ZNF462: variants seen among roughly 807,000 people sequenced by gnomAD.
ZNF462 encodes the protein zinc finger PBX1-interacting protein.
ZNF462 carries 10 observed loss-of-function variants against 201.9 expected under a neutral mutation model. The ratio of observed to expected loss-of-function variants is 0.05; its 90% CI spans 0.03 to 0.08. The LOEUF (loss-of-function observed/expected upper bound fraction) is 0.08, where lower values mean the gene tolerates loss of function less well. ZNF462 is among the 10% of genes least tolerant of loss of function. The pLI is 1.00. For missense variants in ZNF462, 2,523 were observed against 3,168.3 expected (o/e 0.80, Z 4.89); for synonymous variants, 1,227 against 1,193.3 (o/e 1.03, Z -0.58).
At position 106,913,321 on chromosome 9, in the gene ZNF462, C is replaced by T. The variant is rs1423802368; in HGVS notation, c.-30-10033C>T. On this transcript the variant is annotated intron_variant, in intron 1 of 12. Coordinates refer to ENST00000277225, the MANE Select transcript of ZNF462 (RefSeq NM_021224.6). This position sits in a 1 kb window ranked among gnomAD's most constrained non-coding sequence, Gnocchi z 4.1. ...GATGCTCTCTGGAATTCCTTAGGTT[C>T]TTGAACGTTTAGTTCGATTTTGTAC... Among the ~76,000 whole-genome samples, 3 of 152,124 alleles carry T rather than the reference C, an allele frequency of 2.0e-5. No individual in the cohort carries two copies. The highest frequency in any genetic ancestry group is 4.4e-5 in the Non-Finnish European group (3 of 68,022).
At chr9:106,871,954 C>T (rs1587975828) in intron 1 of ZNF462, among the ~76,000 whole-genome samples, 1 of 152,200 alleles carries the variant, frequency 6.6e-6, no homozygotes, top group African/African-American at 2.4e-5. Context: ...TGACTACTAC[C>T]TGGCGTCAGT....
chr9:107,010,929 G>C lies in ZNF462; in HGVS notation c.7420G>C (p.Ala2474Pro). 3 of 1,613,776 alleles carry C rather than the reference G, an allele frequency of 1.9e-6. No individual in the cohort carries two copies. The highest frequency in any genetic ancestry group is 2.5e-6 in the Non-Finnish European group (3 of 1,179,904). The change falls in exon 13 of 13, where the codon GCC (alanine) becomes CCC (proline). Residue 2474 changes from alanine (A) to proline (P), a missense_variant. Ala to Pro is a conservative substitution (Grantham distance 27). Transcript: ENST00000277225. This position sits in a 1 kb window ranked among gnomAD's most constrained non-coding sequence, Gnocchi z 4.6. ...PSIEEKEDDE[A>P]IGIDFSLKNE... Reference sequence around the variant, plus strand: ...CATAGAGGAAAAGGAAGATGACGAGGCCATTGGGATAGACTTTTCCCTAAA... The same window carrying C: ...CATAGAGGAAAAGGAAGATGACGAGCCCATTGGGATAGACTTTTCCCTAAA...
rs553713487 is a variant in ZNF462, at chr9:106,920,649, C to A, written c.-30-2705C>A. 5.8e-4 allele frequency among the ~76,000 whole-genome samples: 89 copies of A among 152,230 alleles called. No individual in the cohort carries two copies. Among genetic ancestry groups the A allele is most frequent in the Middle Eastern group, 3.4e-3 (1 of 294 alleles). Reference sequence around the variant, plus strand: ...GTGACTCTTTTTCTGATCTCATAACCCTTTAATCTCCTTTGTAGCAGAACA... The same window carrying A: ...GTGACTCTTTTTCTGATCTCATAACACTTTAATCTCCTTTGTAGCAGAACA... On this transcript the variant is annotated intron_variant, in intron 1 of 12. Transcript: ENST00000277225. This position sits in a 1 kb window ranked among gnomAD's most constrained non-coding sequence, Gnocchi z 4.3.
Position 106,923,777 on chromosome 9 carries a change from C to G in ZNF462, c.220+174C>G, listed in dbSNP as rs1395696451. Among the ~76,000 whole-genome samples, 1 of 152,128 alleles carries G rather than the reference C, an allele frequency of 6.6e-6. No homozygotes were observed. ...CTCCTTGAGTACCTTAGGTTTTATCCTTTCGAAAGCTTCCTCATATATCCT... is the reference window on the plus strand; with the variant it reads ...CTCCTTGAGTACCTTAGGTTTTATCGTTTCGAAAGCTTCCTCATATATCCT... On this transcript the variant is annotated intron_variant, in intron 2 of 12. Coordinates refer to ENST00000277225, the MANE Select transcript of ZNF462 (RefSeq NM_021224.6). The surrounding 1 kb of genome is among the most constrained non-coding windows in gnomAD (Gnocchi z 5.6).
At position 106,885,380 on chromosome 9, in the gene ZNF462, G is replaced by A. The variant is rs1587998221; in HGVS notation, c.-31+22025G>A. Among the ~76,000 whole-genome samples, 2 of 152,186 alleles carry A rather than the reference G, an allele frequency of 1.3e-5. No individual in the cohort carries two copies. Among genetic ancestry groups the A allele is most frequent in the Admixed American group, 1.3e-4 (2 of 15,282 alleles). On this transcript the variant is annotated intron_variant, in intron 1 of 12. Transcript: ENST00000277225. The surrounding 1 kb of genome is among the most constrained non-coding windows in gnomAD (Gnocchi z 4.1). ...TGAGTAGAAAAAGAAAATAATTTGA[G>A]AAAACTTGTCTGGTTGACAGTAATT...
intron 1 of ZNF462, among the ~76,000 whole-genome samples, chr9:106,921,382 G>A (rs568627381): frequency 2.0e-5 from 3 of 152,346 alleles, no homozygotes; most frequent in South Asian, 4.1e-4. Flanking sequence ...GTTGGGAAGA[G>A]AAGAGCATAG....
At chr9:106,887,215 CT>C (rs1828359670) in intron 1 of ZNF462, among the ~76,000 whole-genome samples, 1 of 152,124 alleles carries the variant, frequency 6.6e-6, no homozygotes, top group Non-Finnish European at 1.5e-5. Context: ...GAAGAGCTGT[CT>C]TTCTGCATTG....
intron 7 of ZNF462, among the ~76,000 whole-genome samples, chr9:106,953,005 C>T (rs1831419504): frequency 6.6e-6 from 1 of 152,114 alleles, no homozygotes; most frequent in South Asian, 2.1e-4. Flanking sequence ...ACTGTTTTTC[C>T]CCAGGCAAAT....
At chr9:106,931,780 T>C (rs1391915201) in intron 4 of ZNF462, among the ~76,000 whole-genome samples, 1 of 152,226 alleles carries the variant, frequency 6.6e-6, no homozygotes, top group African/African-American at 2.4e-5. Flanking sequence ...GAAGTCACCA[T>C]CTACAGGGTA....
At chr9:106,888,166 C>T (rs1234269716) in intron 1 of ZNF462, among the ~76,000 whole-genome samples, 3 of 152,258 alleles carry the variant, frequency 2.0e-5, no homozygotes, top group South Asian at 2.1e-4. Context: ...CTCAGCCTCC[C>T]CAGTAGCTGG....
At chr9:106,951,464 A>C (rs1831343755) in intron 7 of ZNF462, among the ~76,000 whole-genome samples, 1 of 152,206 alleles carries the variant, frequency 6.6e-6, no homozygotes, top group Non-Finnish European at 1.5e-5. Flanking sequence ...AGCAAAAAAC[A>C]AGGGTAAGAA....
In ZNF462 at chr9:106,905,627, C is replaced by T. The variant is rs1281582338; in HGVS notation, c.-30-17727C>T. Among the ~76,000 whole-genome samples the T allele has an allele frequency of 3.3e-5, 5 of 152,070 alleles. No individual in the cohort carries two copies. The highest frequency in any genetic ancestry group is 1.5e-5 in the Non-Finnish European group (1 of 68,004). ...CTGTGGGAGATGAGGGTGAGATTCC[C>T]AGGTCACTGGAGTTGTGTACCTAGG... On this transcript the variant is annotated intron_variant, in intron 1 of 12. Transcript: ENST00000277225. This position sits in a 1 kb window ranked among gnomAD's most constrained non-coding sequence, Gnocchi z 5.9.
At position 107,009,330 on chromosome 9, in the gene ZNF462, A is replaced by G; in HGVS notation, c.7190-215A>G. 1 of 546,160 alleles carries G rather than the reference A, an allele frequency of 1.8e-6. No homozygotes were observed. Among genetic ancestry groups the G allele is most frequent in the South Asian group, 3.4e-5 (1 of 29,440 alleles). 33.8% of individuals were successfully genotyped at this position (546,160 alleles called of 1,614,324 possible). A position where few individuals can be genotyped will look rare whatever the true frequency, so the allele number is the denominator to read the frequency against. On this transcript the variant is annotated intron_variant, in intron 11 of 12. Coordinates refer to ENST00000277225, the MANE Select transcript of ZNF462 (RefSeq NM_021224.6). This position sits in a 1 kb window ranked among gnomAD's most constrained non-coding sequence, Gnocchi z 6.1. ...AGCATTGGGGAGGTGAGGCGAAATG[A>G]GGTCTTGGGGCCCAAGAACCAGAAA... is the stretch of plus-strand genomic sequence containing the variant.
Position 106,923,435 on chromosome 9 carries a change from G to T in ZNF462, c.52G>T (p.Asp18Tyr), listed in dbSNP as rs774048505. 4 of 1,614,188 alleles carry T rather than the reference G, an allele frequency of 2.5e-6. No homozygotes were observed. The South Asian group carries it at 4.4e-5, about 18-fold the overall frequency. The change falls in exon 2 of 13, where the codon GAT becomes TAT. Residue 18 changes from aspartate (D) to tyrosine (Y), a missense_variant. Asp to Tyr is a radical substitution (Grantham distance 160, BLOSUM62 -3). This residue lies in a region of ZNF462 where 480 missense variants were observed against 544.4 expected (regional missense o/e 0.88). Coordinates refer to ENST00000277225, the MANE Select transcript of ZNF462 (RefSeq NM_021224.6). The surrounding 1 kb of genome is among the most constrained non-coding windows in gnomAD (Gnocchi z 5.6). ...TGATTTCCGAGCCCCGTCTTATGAA[G>T]ATCTCAAGGCACACATTCAGGATGT... is the stretch of plus-strand genomic sequence containing the variant. ...GCDFRAPSYE[D>Y]LKAHIQDVHT...
At chr9:106,899,900 G>A (rs531425720) in intron 1 of ZNF462, among the ~76,000 whole-genome samples, 2 of 151,984 alleles carry the variant, frequency 1.3e-5, no homozygotes, top group African/African-American at 4.8e-5. Context: ...GGTTACATGA[G>A]TAAGTTCTTT....
rs1830025343 is a variant in ZNF462, at chr9:107,013,235, G to A, written c.*2205G>A. 6.6e-6 allele frequency: 1 copy of A among 151,972 alleles called. No individual in the cohort carries two copies. The highest frequency in any genetic ancestry group is 1.9e-4 in the East Asian group (1 of 5,182). 9.4% of individuals were successfully genotyped at this position (151,972 alleles called of 1,614,324 possible). A position where few individuals can be genotyped will look rare whatever the true frequency, so the allele number is the denominator to read the frequency against. ...TTTGCTAACCTGTTAATAAAAATAT[G>A]GGACCATTATCCTTTTAACAAGGCT... On this transcript the variant is annotated 3_prime_UTR_variant, in exon 13 of 13. Transcript: ENST00000277225.
rs555256044 is a variant in ZNF462, at chr9:106,995,623, C to A, written c.7057-7671C>A. On this transcript the variant is annotated intron_variant, in intron 10 of 12. Transcript: ENST00000277225. ...CTACCTGTTTTGTGATCTTCATCTA[C>A]AAATATAGAAGGCAACACATTTACT... 4.3e-4 allele frequency: 65 copies of A among 152,212 alleles called. 1 individual carries two copies. The highest frequency in any genetic ancestry group is 4.3e-3 in the Admixed American group (65 of 15,276). The allele number at this position is 152,212 out of a possible 1,614,324, so 9.4% of individuals were successfully genotyped here.
intron 7 of ZNF462, among the ~76,000 whole-genome samples, chr9:106,940,122 G>T (rs1039481926): frequency 6.6e-6 from 1 of 152,136 alleles, no homozygotes; most frequent in Non-Finnish European, 1.5e-5. Context: ...TGATGGTCAC[G>T]TTTCCCTGGG....
intron 10 of ZNF462, among the ~76,000 whole-genome samples, chr9:106,990,041 C>A (rs887752849): frequency 6.6e-6 from 1 of 151,766 alleles, no homozygotes; most frequent in African/African-American, 2.4e-5. Context: ...GTTTCAATTT[C>A]ATTTAGTTCT....
Sources: gnomAD v4.1 joint callset for allele counts (sites outside exome capture counted in the v4.1 genomes callset) on GRCh38, gnomAD v4.1.1 for gene constraint, gnomAD v4.1.1 regional missense constraint, Gnocchi (gnomAD v3.1) non-coding constraint, MANE v1.5 for transcripts, NCBI Gene and HGNC (gene_info 2026-07-23, HGNC 2026-07-21) for gene names.